FAM120A: variants seen among roughly 807,000 people sequenced by gnomAD.
FAM120A encodes family with sequence similarity 120 member A, also known as constitutive coactivator of PPAR-gamma-like protein 1.
FAM120A carries 15 observed loss-of-function variants against 109.7 expected under a neutral mutation model. The ratio of observed to expected loss-of-function variants is 0.14; its 90% CI spans 0.09 to 0.21. FAM120A has a LOEUF of 0.21. FAM120A is among the 10% of genes least tolerant of loss of function. FAM120A has a pLI of 1.00. For missense variants in FAM120A, 899 were observed against 1,439.3 expected, an observed-to-expected ratio of 0.62 and a Z score of 6.07; for synonymous variants, 493 against 572.8, an observed-to-expected ratio of 0.86 and a Z score of 1.99.
At chr9:93,471,595 G>A (rs1281910893) in intron 2 of FAM120A, among the ~76,000 whole-genome samples, 1 of 152,136 alleles carries the variant, frequency 6.6e-6, no homozygotes, top group Admixed American at 6.6e-5. Flanking sequence ...GTTTGTTGAG[G>A]TATTGTTCTA....
chr9:93,453,549 A>T (rs914683772), intron 1 of FAM120A: 6 of 985,266 alleles, frequency 6.1e-6, no homozygotes, highest in Non-Finnish European at 3.6e-6. Flanking sequence ...GGTTGCCCCC[A>T]CTGCCCGCGA....
intron 5 of FAM120A, among the ~76,000 whole-genome samples, chr9:93,504,929 A>T (rs900205222): frequency 4.6e-5 from 7 of 151,876 alleles, no homozygotes; most frequent in Non-Finnish European, 8.8e-5. Flanking sequence ...TGATTATGAA[A>T]CTATATCCTG....
At chr9:93,554,666 C>CT (rs1862230873) in intron 12 of FAM120A, among the ~76,000 whole-genome samples, 1 of 152,000 alleles carries the variant, frequency 6.6e-6, no homozygotes. Context: ...GAGCGAGACT[C>CT]TGTTTCAAAG....
chr9:93,536,705 G>A lies in FAM120A; in HGVS notation c.1909+4376G>A, dbSNP rs146327500. 2.8e-3 allele frequency among the ~76,000 whole-genome samples: 426 copies of A among 152,210 alleles called. 1 individual carries two copies. Among genetic ancestry groups the A allele is most frequent in the African/African-American group, 9.5e-3 (394 of 41,534 alleles). On this transcript the variant is annotated intron_variant, in intron 10 of 17. Coordinates refer to ENST00000277165, the MANE Select transcript of FAM120A (RefSeq NM_014612.5). ...TTCATTTTTATAGTCACTATATGGC[G>A]AAAGTAGGATATGAGACCTTTAAAA...
intron 1 of FAM120A, among the ~76,000 whole-genome samples, chr9:93,470,292 G>A (rs1028518624): frequency 6.6e-6 from 1 of 152,318 alleles, no homozygotes; most frequent in South Asian, 2.1e-4. Flanking sequence ...GAATTTGGTG[G>A]TCTTGGACTG....
intron 10 of FAM120A, among the ~76,000 whole-genome samples, chr9:93,535,794 C>G: frequency 6.6e-6 from 1 of 152,168 alleles, no homozygotes; most frequent in East Asian, 1.9e-4. Context: ...TTGAGAATAT[C>G]TTGTGATTGT....
In FAM120A at chr9:93,452,568, C is replaced by A; in HGVS notation, c.474+179C>A. On this transcript the variant is annotated intron_variant, in intron 1 of 17. Transcript: ENST00000277165. This position sits in a 1 kb window ranked among gnomAD's most constrained non-coding sequence, Gnocchi z 7.0. ...AAGATGGATGGCCGCGGGTGCAGGC[C>A]GCGCGCTGCCCAAGCCCGTCTCCAG... 1 of 1,591,358 alleles carries A rather than the reference C, an allele frequency of 6.3e-7. No individual in the cohort carries two copies. The highest frequency in any genetic ancestry group is 8.5e-7 in the Non-Finnish European group (1 of 1,175,878).
rs1406884939 is a variant in FAM120A, at chr9:93,510,741, C to T, written c.1031-4926C>T. On this transcript the variant is annotated intron_variant, in intron 5 of 17. Transcript: ENST00000277165. ...TGTCGGGATTGTAGTCATGAGCCAC[C>T]GTAACCAGCCTTGATGAGATGTAAT... is the stretch of plus-strand genomic sequence containing the variant. Among the ~76,000 whole-genome samples the T allele has an allele frequency of 3.3e-5, 5 of 151,978 alleles. No homozygotes were observed. The East Asian group carries it at 5.8e-4, about 18-fold the overall frequency.
intron 1 of FAM120A, chr9:93,453,286 C>T (rs1213426190): frequency 4.1e-6 from 4 of 987,220 alleles, no homozygotes; most frequent in Non-Finnish European, 4.8e-6. Flanking sequence ...CTCCTCTGGC[C>T]CTTTGGCAGA....
chr9:93,511,417 G>A (rs1438943309), intron 5 of FAM120A, among the ~76,000 whole-genome samples: 1 of 152,186 alleles, frequency 6.6e-6, no homozygotes, highest in Non-Finnish European at 1.5e-5. Flanking sequence ...CATTGCACCT[G>A]GTCTCAGTCC....
intron 10 of FAM120A, among the ~76,000 whole-genome samples, chr9:93,534,581 A>G (rs996731355): frequency 2.0e-5 from 3 of 152,180 alleles, no homozygotes; most frequent in African/African-American, 7.2e-5. Flanking sequence ...GGAACGCCGT[A>G]TCTTCAAAGT....
In FAM120A at chr9:93,498,283, C is replaced by T. The variant is rs1285677687; in HGVS notation, c.934-507C>T. On this transcript the variant is annotated intron_variant, in intron 4 of 17. Coordinates refer to ENST00000277165, the MANE Select transcript of FAM120A (RefSeq NM_014612.5). The surrounding 1 kb of genome is among the most constrained non-coding windows in gnomAD (Gnocchi z 4.4). The stretch of plus-strand genomic sequence containing the variant: ...TGGTGGGCGCCTGTAATGCCAGCTA[C>T]TCGGGATGCTGAGGCAGGAGAATCG... Among the ~76,000 whole-genome samples the T allele has an allele frequency of 6.6e-6, 1 of 152,220 alleles. No homozygotes were observed. The highest frequency in any genetic ancestry group is 1.5e-5 in the Non-Finnish European group (1 of 68,038).
rs540477637 is a variant in FAM120A at position 93,509,846 on chromosome 9, A to G, written c.1031-5821A>G. Among the ~76,000 whole-genome samples the G allele has an allele frequency of 7.9e-5, 12 of 152,354 alleles. No individual in the cohort carries two copies. The East Asian group carries it at 1.7e-3, about 22-fold the overall frequency. On this transcript the variant is annotated intron_variant, in intron 5 of 17. Coordinates refer to ENST00000277165, the MANE Select transcript of FAM120A (RefSeq NM_014612.5). ...AAAAAGAGATGCTTCAGGCTTTTCT[A>G]AAAGTCATGTACAGACCCCTTGAAC...
chr9:93,512,536 A>AT (rs59758452), intron 5 of FAM120A, among the ~76,000 whole-genome samples: 51,606 of 148,934 alleles, frequency 0.35, 9,857 homozygotes, highest in South Asian at 0.66. Flanking sequence ...CAGTCTGCAT[A>AT]TTTTTTTTTT....
Position 93,451,846 on chromosome 9 carries a change from C to A in FAM120A, c.-70C>A. On this transcript the variant is annotated 5_prime_UTR_variant, in exon 1 of 18. Transcript: ENST00000277165. ...GCCCCCGCCCGCCAGCCCGCCCGCGCGCCACGGCCCCACCACCCCCGGCCC... is the reference window on the plus strand; with the variant it reads ...GCCCCCGCCCGCCAGCCCGCCCGCGAGCCACGGCCCCACCACCCCCGGCCC... The A allele has an allele frequency of 2.1e-6, 2 of 967,246 alleles. No homozygotes were observed. The highest frequency in any genetic ancestry group is 1.8e-5 in the African/African-American group (1 of 55,852). 59.9% of individuals were successfully genotyped at this position (967,246 alleles called of 1,614,324 possible).
chr9:93,522,608 T>C (rs527578688), intron 7 of FAM120A, among the ~76,000 whole-genome samples: 17 of 152,338 alleles, frequency 1.1e-4, no homozygotes, highest in Non-Finnish European at 2.1e-4. Flanking sequence ...TTTAAATGGA[T>C]ATGTAAAAGT....
At chr9:93,556,322 T>A (rs973595284) in intron 12 of FAM120A, 60 bp from the exon 13 acceptor site, 1 of 1,422,152 alleles carries the variant, frequency 7.0e-7, no homozygotes, top group Non-Finnish European at 9.9e-7. Flanking sequence ...ACTAAGACTT[T>A]GAAAGAATTT....
At position 93,543,386 on chromosome 9, in the gene FAM120A, C is replaced by T; in HGVS notation, c.2074C>T (p.Leu692=). 1.2e-6 allele frequency: 2 copies of T among 1,614,198 alleles called. No homozygotes were observed. Among genetic ancestry groups the T allele is most frequent in the Non-Finnish European group, 1.7e-6 (2 of 1,180,026 alleles). The change falls in exon 11 of 18, where the codon CTG becomes TTG. Residue 692 remains leucine (L), a synonymous_variant. Transcript: ENST00000277165. The part of the protein sequence containing the change: ...EDKNRRMRAF[L]ACMRSDTPAM... ...CAAGAACCGCAGGATGAGGGCCTTC[C>T]TGGCCTGCATGAGGTCGGACACCCC...
intron 12 of FAM120A, among the ~76,000 whole-genome samples, chr9:93,551,747 C>T (rs949958562): frequency 6.6e-6 from 1 of 152,126 alleles, no homozygotes; most frequent in South Asian, 2.1e-4. Flanking sequence ...TGACCCTCCT[C>T]AATTGTGTGG....
Sources: allele counts gnomAD v4.1 joint callset (sites outside exome capture counted in the v4.1 genomes callset), GRCh38; gene constraint gnomAD v4.1.1; non-coding constraint Gnocchi (gnomAD v3.1); transcripts MANE v1.5; gene names NCBI Gene and HGNC (gene_info 2026-07-23, HGNC 2026-07-21).